DGKG: variants seen among roughly 807,000 people sequenced by gnomAD.
DGKG encodes the protein diacylglycerol kinase gamma.
A neutral mutation model predicts 105.3 loss-of-function variants in DGKG; 78 were observed. That is an observed-to-expected ratio of 0.74 (90% confidence interval 0.62 to 0.89). The LOEUF (loss-of-function observed/expected upper bound fraction) is 0.89, where lower values mean the gene tolerates loss of function less well. DGKG is among the 40% of genes least tolerant of loss of function. The probability of loss-of-function intolerance (pLI) is 0.00; values close to 1 mark genes in which losing one functional copy is unlikely to be tolerated. For missense variants in DGKG, 958 were observed against 1,020.1 expected (o/e 0.94, Z 0.83); for synonymous variants, 346 against 367.1 (o/e 0.94, Z 0.66).
intron 20 of DGKG, among the ~76,000 whole-genome samples, chr3:186,237,008 C>A (rs1720451323): frequency 6.6e-6 from 1 of 152,260 alleles, no homozygotes; most frequent in African/African-American, 2.4e-5. Flanking sequence ...TATGCAAAAC[C>A]CTTCATGGAG....
rs895583144 is a variant in DGKG at position 186,147,527 on chromosome 3, G to T, written c.*2563C>A. 1 of 985,344 alleles carries T rather than the reference G, an allele frequency of 1.0e-6. No homozygotes were observed. The highest frequency in any genetic ancestry group is 1.2e-6 in the Non-Finnish European group (1 of 829,872). 61.0% of individuals were successfully genotyped at this position (985,344 alleles called of 1,614,324 possible). ...AAACAACAACACAAGATTTACTAAG[G>T]TTACCAAACTGGAAGTGCAATTCCA... On this transcript the variant is annotated 3_prime_UTR_variant, in exon 25 of 25. Transcript: ENST00000265022.
intron 11 of DGKG, 53 bp downstream of exon 11, chr3:186,272,202 A>G (rs995123765): frequency 2.2e-6 from 3 of 1,375,986 alleles, no homozygotes; most frequent in African/African-American, 2.9e-5. Context: ...ATGTTGATGG[A>G]CATGTTTCCT....
chr3:186,268,963 G>A (rs778808223), intron 11 of DGKG, 46 bp from the exon 12 acceptor site: 7 of 1,393,234 alleles, frequency 5.0e-6, no homozygotes, highest in South Asian at 1.2e-5. Flanking sequence ...GCAGAACCAT[G>A]TCCCCGGGGC....
At chr3:186,288,951 C>G in intron 5 of DGKG, 71 bp from the exon 6 acceptor site, 8 of 1,427,568 alleles carry the variant, frequency 5.6e-6, no homozygotes, top group Non-Finnish European at 7.5e-6. Context: ...CTTTGTTACC[C>G]CATCCTTTTC....
chr3:186,257,426 G>GATGCA (rs1425899600), intron 17 of DGKG, among the ~76,000 whole-genome samples: 1 of 152,216 alleles, frequency 6.6e-6, no homozygotes, highest in African/African-American at 2.4e-5. Flanking sequence ...GTACTTTCTA[G>GATGCA]ATGCACTTTC....
chr3:186,166,572 G>A (rs1716557238), intron 22 of DGKG, among the ~76,000 whole-genome samples: 1 of 152,030 alleles, frequency 6.6e-6, no homozygotes, highest in Non-Finnish European at 1.5e-5. Flanking sequence ...AACGTTGGAT[G>A]GTCTAGCTCA....
rs569818069 is a variant in DGKG at position 186,210,895 on chromosome 3, C to T, written c.1917+900G>A. On this transcript the variant is annotated intron_variant, in intron 21 of 24. Coordinates refer to ENST00000265022, the MANE Select transcript of DGKG (RefSeq NM_001346.3). This position sits in a 1 kb window ranked among gnomAD's most constrained non-coding sequence, Gnocchi z 5.2. ...AACTCTGGGCAAGAGAACCAATGGG[C>T]GTAAAGTCCCACGGAGCAGGTGTGC... Among the ~76,000 whole-genome samples, 9 of 152,360 alleles carry T rather than the reference C, an allele frequency of 5.9e-5. No homozygotes were observed. Among genetic ancestry groups the T allele is most frequent in the African/African-American group, 9.6e-5 (4 of 41,588 alleles).
chr3:186,260,341 TGA>T, intron 16 of DGKG, 96 bp downstream of exon 16: 2 of 861,712 alleles, frequency 2.3e-6, no homozygotes, highest in East Asian at 2.5e-5. Flanking sequence ...AGGAACAAGT[TGA>T]GAGACGAAAG....
At chr3:186,235,124 T>A (rs938898550) in intron 20 of DGKG, among the ~76,000 whole-genome samples, 3 of 152,234 alleles carry the variant, frequency 2.0e-5, no homozygotes, top group African/African-American at 7.2e-5. Context: ...GACAAAACAT[T>A]TTTGTGGCTT....
chr3:186,188,066 G>T, intron 22 of DGKG, 136 bp downstream of exon 22: 2 of 1,023,994 alleles, frequency 2.0e-6, no homozygotes, highest in Non-Finnish European at 2.9e-6. Context: ...TTGCAACATC[G>T]GATGACGAGT....
At chr3:186,183,108 G>A (rs976412674) in intron 22 of DGKG, among the ~76,000 whole-genome samples, 1 of 152,158 alleles carries the variant, frequency 6.6e-6, no homozygotes, top group Admixed American at 6.5e-5. Context: ...CTCGGACTGG[G>A]TCTAAATACT....
intron 22 of DGKG, among the ~76,000 whole-genome samples, chr3:186,183,217 C>T (rs1281595559): frequency 2.0e-5 from 3 of 152,116 alleles, no homozygotes; most frequent in Non-Finnish European, 4.4e-5. Flanking sequence ...GAGTCATGGG[C>T]TTGAATCTTG....
chr3:186,320,325 G>A (rs1725020451), intron 2 of DGKG, 68 bp downstream of exon 2: 2 of 1,596,930 alleles, frequency 1.3e-6, no homozygotes, highest in African/African-American at 2.7e-5. Flanking sequence ...ATACTGCTAT[G>A]CTTTCCAGAA....
rs377584388 is a variant in DGKG, at chr3:186,284,754, C to T, written c.545-45G>A. On this transcript the variant is annotated intron_variant, in intron 6 of 24. Coordinates refer to ENST00000265022, the MANE Select transcript of DGKG (RefSeq NM_001346.3). This position sits in a 1 kb window ranked among gnomAD's most constrained non-coding sequence, Gnocchi z 4.0. ...AAGCCTTGAGGTGTCCTCTAAGAAG[C>T]GCGGATGGCTGAAGTTTTGATGCTG... 6.1e-5 allele frequency: 95 copies of T among 1,545,192 alleles called. No homozygotes were observed. In the Middle Eastern group the frequency reaches 1.2e-3, roughly 19 times the overall value.
chr3:186,190,453 A>G (rs1717851149), intron 21 of DGKG, among the ~76,000 whole-genome samples: 1 of 152,208 alleles, frequency 6.6e-6, no homozygotes, highest in Non-Finnish European at 1.5e-5. Context: ...CCCAGAAATG[A>G]GATGACGTGC....
At chr3:186,152,590 G>A (rs1424490773) in intron 24 of DGKG, among the ~76,000 whole-genome samples, 1 of 152,180 alleles carries the variant, frequency 6.6e-6, no homozygotes, top group African/African-American at 2.4e-5. Flanking sequence ...CTACGTGCTG[G>A]CAGTGGAGAT....
At chr3:186,188,509 C>T in intron 21 of DGKG, 130 bp from the exon 22 acceptor site, 1 of 886,858 alleles carries the variant, frequency 1.1e-6, no homozygotes, top group Admixed American at 2.6e-5. Flanking sequence ...CAGCCACCAC[C>T]CTGCCACTGT....
chr3:186,355,112 A>G (rs750271710), intron 1 of DGKG, among the ~76,000 whole-genome samples: 1 of 70,966 alleles, frequency 1.4e-5, no homozygotes, highest in Non-Finnish European at 2.8e-5. Context: ...GGAAGCCACT[A>G]CTATCTCCAT....
rs912974715 is a variant in DGKG at position 186,148,837 on chromosome 3, C to T, written c.*1253G>A. Reference sequence around the variant, plus strand: ...CCCTTGTGATCACCACAGGGAGATGCGTCCTGACAATGAAACGGTGGAGTG... The same window carrying T: ...CCCTTGTGATCACCACAGGGAGATGTGTCCTGACAATGAAACGGTGGAGTG... On this transcript the variant is annotated 3_prime_UTR_variant, in exon 25 of 25. Coordinates refer to ENST00000265022, the MANE Select transcript of DGKG (RefSeq NM_001346.3). 4 of 984,960 alleles carry T rather than the reference C, an allele frequency of 4.1e-6. No homozygotes were observed. Among genetic ancestry groups the T allele is most frequent in the African/African-American group, 1.8e-5 (1 of 57,060 alleles). The allele number at this position is 984,960 out of a possible 1,614,324, so 61.0% of individuals were successfully genotyped here.
Sources: gnomAD v4.1 joint callset for allele counts (sites outside exome capture counted in the v4.1 genomes callset) on GRCh38, gnomAD v4.1.1 for gene constraint, Gnocchi (gnomAD v3.1) non-coding constraint, MANE v1.5 for transcripts, NCBI Gene and HGNC (gene_info 2026-07-23, HGNC 2026-07-21) for gene names.